TEAD2: variants seen among roughly 807,000 people sequenced by gnomAD.
TEAD2 encodes transcriptional enhancer factor TEF-4.
A neutral mutation model predicts 61.4 loss-of-function variants in TEAD2; 51 were observed. That is an observed-to-expected ratio of 0.83 (90% CI 0.66 to 1.05). TEAD2 has a LOEUF of 1.05. Ranked by LOEUF, TEAD2 falls within the 50% of genes least tolerant of loss-of-function variation. The pLI, the probability that TEAD2 is intolerant of heterozygous loss-of-function variation, is 0.00. For synonymous variants in TEAD2, 244 were observed against 243.2 expected, an observed-to-expected ratio of 1.00 and a Z score of -0.03; for missense variants, 509 against 600.0, an observed-to-expected ratio of 0.85 and a Z score of 1.58.
At position 49,348,840 on chromosome 19, in the gene TEAD2, C is replaced by T. The variant is rs779204844; in HGVS notation, c.610G>A (p.Glu204Lys). The change falls in exon 9 of 13, where the codon GAG becomes AAG. Residue 204 changes from glutamate (E) to lysine (K), a missense_variant. By Grantham distance (56) the Glu-to-Lys change is moderately conservative. Transcript: ENST00000593945. ...AGGGGTGAGAGGGCTTGGGGGGGCT[C>T]GTACCCTAGAGAGAGAGAAGAAAGA... Reference protein sequence around the residue: ...TPPSTDLPGYEPPQALSPLPP... With the variant: ...TPPSTDLPGYKPPQALSPLPP... 7.7e-6 allele frequency: 12 copies of T among 1,554,416 alleles called. No individual in the cohort carries two copies. The highest frequency in any genetic ancestry group is 4.4e-5 in the Admixed American group (2 of 45,472).
At chr19:49,358,455 T>A (rs1362722923) in intron 3 of TEAD2, among the ~76,000 whole-genome samples, 1 of 151,586 alleles carries the variant, frequency 6.6e-6, no homozygotes, top group Non-Finnish European at 1.5e-5. Flanking sequence ...TTAAAAAGAG[T>A]CTGGGACCTC....
At position 49,343,019 on chromosome 19, in the gene TEAD2, GTC is replaced by G. The variant is rs150651548; in HGVS notation, c.1089+210_1089+211del. ...CCCTTCTCAATCTCAGTGACTCTAAGTCTCTATACTACACATTACCTGTCAGC... is the reference window on the plus strand; with the variant it reads ...CCCTTCTCAATCTCAGTGACTCTAAGTCTATACTACACATTACCTGTCAGC... On this transcript the variant is annotated intron_variant, in intron 11 of 12. Transcript: ENST00000593945. Among the ~76,000 whole-genome samples the G allele has an allele frequency of 5.5e-3, 830 of 152,170 alleles. 6 individuals carry two copies. Among genetic ancestry groups the G allele is most frequent in the Non-Finnish European group, 8.7e-3 (592 of 68,014 alleles).
intron 7 of TEAD2, among the ~76,000 whole-genome samples, chr19:49,353,583 C>T (rs1321264330): frequency 6.6e-6 from 1 of 152,132 alleles, no homozygotes; most frequent in East Asian, 1.9e-4. Flanking sequence ...CCCCATTTGA[C>T]TAACAGCTCC....
intron 7 of TEAD2, among the ~76,000 whole-genome samples, chr19:49,353,186 C>T (rs2039964814): frequency 6.6e-6 from 1 of 151,890 alleles, no homozygotes; most frequent in South Asian, 2.1e-4. Context: ...GCAACCTCTG[C>T]TTCCCAGGTT....
intron 10 of TEAD2, 34 bp from the exon 11 acceptor site, chr19:49,343,432 G>A (rs745774280): frequency 3.4e-5 from 53 of 1,573,644 alleles, no homozygotes; most frequent in Non-Finnish European, 4.4e-5. Flanking sequence ...GAGTCAGAGG[G>A]GACATCCCTT....
rs1971278767 is a variant in TEAD2, at chr19:49,341,692, C to A, written c.1243-255G>T. ...AGGGTTAATCGGGTTCCCATCACAT[C>A]ACATTCCCTGGGTAAAAGGGGTCCC... On this transcript the variant is annotated intron_variant, in intron 12 of 12. Transcript: ENST00000593945. The surrounding 1 kb of genome is among the most constrained non-coding windows in gnomAD (Gnocchi z 4.2). Among the ~76,000 whole-genome samples the A allele has an allele frequency of 6.6e-6, 1 of 152,144 alleles. No individual in the cohort carries two copies. Among genetic ancestry groups the A allele is most frequent in the Non-Finnish European group, 1.5e-5 (1 of 68,018 alleles).
intron 7 of TEAD2, among the ~76,000 whole-genome samples, chr19:49,354,855 G>A (rs536671221): frequency 9.9e-5 from 15 of 151,860 alleles, no homozygotes; most frequent in Non-Finnish European, 1.9e-4. Context: ...AAAATTAGCC[G>A]TGCATAGAGG....
In TEAD2 at chr19:49,347,298, C is replaced by T. The variant is rs771120949; in HGVS notation, c.813G>A (p.Glu271=). 136 of 1,613,730 alleles carry T rather than the reference C, an allele frequency of 8.4e-5. 1 individual carries two copies. The South Asian group carries it at 1.4e-3, about 16-fold the overall frequency. The change falls in exon 10 of 13, where the codon GAG becomes GAA. Residue 271 remains glutamate (E), a synonymous_variant. Coordinates refer to ENST00000593945, the MANE Select transcript of TEAD2 (RefSeq NM_001256660.2). ...CGTAGATCTGCCGGACGTCCACACTCTCGAGCGGCGGCGCTCCGGGGCTGG... is the reference window on the plus strand; with the variant it reads ...CGTAGATCTGCCGGACGTCCACACTTTCGAGCGGCGGCGCTCCGGGGCTGG... ...HCPSPGAPPL[E]SVDVRQIYDK...
chr19:49,344,578 G>C (rs548930669), intron 10 of TEAD2, among the ~76,000 whole-genome samples: 1 of 152,316 alleles, frequency 6.6e-6, no homozygotes, highest in African/African-American at 2.4e-5. Flanking sequence ...ACTGTGTCCA[G>C]CCAATTCAAC....
chr19:49,351,480 A>C, intron 7 of TEAD2, 115 bp from the exon 8 acceptor site: 209 of 957,120 alleles, frequency 2.2e-4, no homozygotes, highest in Middle Eastern at 3.0e-4. Context: ...GCACAATCTC[A>C]CTGAAGCCTC....
chr19:49,347,331 C>T lies in TEAD2; in HGVS notation c.780G>A (p.Gln260=). 6.2e-7 allele frequency: 1 copy of T among 1,612,232 alleles called. No individual in the cohort carries two copies. The highest frequency in any genetic ancestry group is 8.5e-7 in the Non-Finnish European group (1 of 1,180,004). Residue 260 remains glutamine, a synonymous_variant, in exon 10 of 13, where the codon CAG becomes CAA. Coordinates refer to ENST00000593945, the MANE Select transcript of TEAD2 (RefSeq NM_001256660.2). The part of the protein sequence containing the change: ...YQRHLFVHIS[Q]HCPSPGAPPL... The stretch of plus-strand genomic sequence containing the variant: ...GCGGCGCTCCGGGGCTGGGGCAGTG[C>T]TGGCTGATGTGCACGAACAGGTGCC...
chr19:49,349,880 A>G (rs545377496), intron 8 of TEAD2, among the ~76,000 whole-genome samples: 37 of 152,342 alleles, frequency 2.4e-4, no homozygotes, highest in Non-Finnish European at 5.1e-4. Flanking sequence ...TCTTGGGACA[A>G]TAAGACAGAC....
In TEAD2 at chr19:49,353,373, A is replaced by G. The variant is rs138138594; in HGVS notation, c.539+1775T>C. The stretch of plus-strand genomic sequence containing the variant: ...CTTGGCCTCCCAAAGTGCTGGGATT[A>G]CAGATGCGGGCCACCATGCCGGGCC... On this transcript the variant is annotated intron_variant, in intron 7 of 12. Coordinates refer to ENST00000593945, the MANE Select transcript of TEAD2 (RefSeq NM_001256660.2). Among the ~76,000 whole-genome samples, 533 of 151,776 alleles carry G rather than the reference A, an allele frequency of 3.5e-3. 3 individuals carry two copies. The highest frequency in any genetic ancestry group is 0.012 in the African/African-American group (495 of 41,360).
intron 12 of TEAD2, 31 bp downstream of exon 12, chr19:49,342,407 G>T: frequency 6.2e-7 from 1 of 1,608,120 alleles, no homozygotes; most frequent in Non-Finnish European, 8.5e-7. Context: ...CACACTGGGG[G>T]GCCCCACTCC....
chr19:49,357,180 C>G lies in TEAD2; in HGVS notation c.360+72G>C, dbSNP rs571619295. 4.6e-5 allele frequency: 69 copies of G among 1,496,940 alleles called. No individual in the cohort carries two copies. In the African/African-American group the frequency reaches 6.1e-4, roughly 13 times the overall value. The allele number at this position is 1,496,940 out of a possible 1,614,324, so 92.7% of individuals were successfully genotyped here. On this transcript the variant is annotated intron_variant, in intron 4 of 12. Transcript: ENST00000593945. ...TCCCCCTCTCCCTGGGTCTCTGTCC[C>G]TCTCTTTCTGGGTCTCGGTCCCCCA... is the stretch of plus-strand genomic sequence containing the variant.
chr19:49,360,114 C>A, intron 1 of TEAD2, 33 bp from the exon 2 acceptor site: 1 of 1,547,576 alleles, frequency 6.5e-7, no homozygotes, highest in East Asian at 2.3e-5. Flanking sequence ...AAGCTTCCCC[C>A]AAACCCCACC....
intron 7 of TEAD2, among the ~76,000 whole-genome samples, chr19:49,354,394 C>G (rs1972236562): frequency 6.6e-6 from 1 of 151,972 alleles, no homozygotes; most frequent in Non-Finnish European, 1.5e-5. Context: ...GTCTCAGCTA[C>G]TCAGGAGGCT....
intron 1 of TEAD2, among the ~76,000 whole-genome samples, chr19:49,360,732 G>GGGGGACAGAGACCCAGAGAGGGAT: frequency 1.1e-5 from 1 of 92,762 alleles, no homozygotes. Flanking sequence ...TCTAGAGAGA[G>GGGGGACAGAGACCCAGAGAGGGAT]GGGGACAGAG....
intron 11 of TEAD2, 126 bp from the exon 12 acceptor site, chr19:49,342,716 A>C: frequency 8.4e-7 from 1 of 1,193,130 alleles, no homozygotes; most frequent in Non-Finnish European, 1.2e-6. Context: ...CCTTCCTTTC[A>C]TCACCCCACC....
Sources: allele counts gnomAD v4.1 joint callset (sites outside exome capture counted in the v4.1 genomes callset), GRCh38; gene constraint gnomAD v4.1.1; non-coding constraint Gnocchi (gnomAD v3.1); transcripts MANE v1.5; gene names NCBI Gene and HGNC (gene_info 2026-07-23, HGNC 2026-07-21).